Variants in IRF3 observed in about 807,000 individuals in gnomAD.
IRF3 encodes interferon regulatory factor 3.
A neutral mutation model predicts 43.2 loss-of-function variants in IRF3; 29 were observed. That is an observed-to-expected ratio of 0.67 (90% CI 0.50 to 0.91). The LOEUF (loss-of-function observed/expected upper bound fraction) is 0.91. Among genes scored for constraint, IRF3 ranks in the 40% least tolerant of loss-of-function variants. IRF3 has a pLI of 0.00. For missense variants in IRF3, 505 were observed against 559.1 expected, an observed-to-expected ratio of 0.90 and a Z score of 0.98; for synonymous variants, 228 against 233.9, an observed-to-expected ratio of 0.97 and a Z score of 0.23.
At chr19:49,660,989 T>TC in intron 6 of IRF3, 161 bp from the exon 7 acceptor site, 1 of 700,628 alleles carries the variant, frequency 1.4e-6, no homozygotes, top group South Asian at 2.0e-5. Context: ...CTTCCCTCCC[T>TC]CCCTCCCTCC....
At chr19:49,664,377 A>G (rs2122700625) in intron 2 of IRF3, 1 of 1,210,190 alleles carries the variant, frequency 8.3e-7, no homozygotes, top group Non-Finnish European at 1.1e-6. Flanking sequence ...TATCTATCCT[A>G]CAACCAAGAG....
At position 49,664,844 on chromosome 19, in the gene IRF3, G is replaced by T. The variant is rs367768465; in HGVS notation, c.-6C>A. On this transcript the variant is annotated splice_region_variant and 5_prime_UTR_variant, in exon 2 of 8. Transcript: ENST00000377139. ...CGTGGCTTTGGGGTTCCCATGGTCC[G>T]GCCTGCGCGTATAGGGCATTTCCTG... The T allele has an allele frequency of 3.7e-6, 6 of 1,610,060 alleles. No homozygotes were observed.
At chr19:49,661,738 C>G (rs1468151773) in intron 6 of IRF3, 1 of 585,786 alleles carries the variant, frequency 1.7e-6, no homozygotes, top group Non-Finnish European at 2.9e-6. Flanking sequence ...TGCCACCACG[C>G]CCGACTATTT....
In IRF3 at chr19:49,662,122, C is replaced by G. The variant is rs142339594; in HGVS notation, c.808G>C (p.Gly270Arg). 5.6e-6 allele frequency: 9 copies of G among 1,613,852 alleles called. No homozygotes were observed. In the East Asian group the frequency reaches 1.1e-4, roughly 20 times the overall value. The change falls in exon 6 of 8, where the codon GGG becomes CGG. Residue 270 changes from glycine to arginine, a missense_variant. Transcript: ENST00000377139. ...CCGGCCCGCCAGAGAGCCAGTCCCC[C>G]ACCCAGGCAGCTCAGCACATGCCTC... ...YVRHVLSCLG[G>R]GLALWRAGQW...
At chr19:49,661,335 C>T (rs1383701050) in intron 6 of IRF3, 1 of 161,150 alleles carries the variant, frequency 6.2e-6, no homozygotes, top group Non-Finnish European at 1.4e-5. Flanking sequence ...CACAGCGAAA[C>T]CCTAAGGGAT....
At position 49,663,176 on chromosome 19, in the gene IRF3, G is replaced by GCA. The variant is rs768560740; in HGVS notation, c.408+10_408+11dup. On this transcript the variant is annotated intron_variant, in intron 4 of 7. Transcript: ENST00000377139. The stretch of plus-strand genomic sequence containing the variant: ...GGAGACTGAGGGGCATGAAAGTTGG[G>GCA]CACATTCTCACCTGGGTATCAGAAG... 2.4e-5 allele frequency: 38 copies of GCA among 1,611,156 alleles called. No homozygotes were observed. The highest frequency in any genetic ancestry group is 3.1e-5 in the Non-Finnish European group (37 of 1,177,474).
At chr19:49,664,913 G>A (rs941967972) in intron 1 of IRF3, 67 bp from the exon 2 acceptor site, 37 of 1,502,922 alleles carry the variant, frequency 2.5e-5, no homozygotes, top group Non-Finnish European at 3.2e-5. Flanking sequence ...TGGAGTTTCC[G>A]CACCCAGACC....
At chr19:49,660,984 C>T in intron 6 of IRF3, 156 bp from the exon 7 acceptor site, 4 of 710,080 alleles carry the variant, frequency 5.6e-6, no homozygotes, top group South Asian at 4.0e-5. Flanking sequence ...CCCTCCTTCC[C>T]TCCCTCCCTC....
At position 49,659,615 on chromosome 19, in the gene IRF3, G is replaced by A. The variant is rs758135685; in HGVS notation, c.*33C>T. ...TATTGGTTGAGGTGGTGGGGAACAGGGGGGTTGGAGGCACACCATGAGGAG... is the reference window on the plus strand; with the variant it reads ...TATTGGTTGAGGTGGTGGGGAACAGAGGGGTTGGAGGCACACCATGAGGAG... On this transcript the variant is annotated 3_prime_UTR_variant, in exon 8 of 8. Transcript: ENST00000377139. 4 of 1,592,136 alleles carry A rather than the reference G, an allele frequency of 2.5e-6. No individual in the cohort carries two copies. Among genetic ancestry groups the A allele is most frequent in the African/African-American group, 2.7e-5 (2 of 74,126 alleles).
rs769745626 is a variant in IRF3 at position 49,662,483 on chromosome 19, G to A, written c.543C>T (p.Pro181=). 1.9e-6 allele frequency: 3 copies of A among 1,586,496 alleles called. No individual in the cohort carries two copies. The Admixed American group carries it at 5.5e-5, about 29-fold the overall frequency. Residue 181 remains proline, a synonymous_variant, in exon 5 of 8, where the codon CCC becomes CCT. Coordinates refer to ENST00000377139, the MANE Select transcript of IRF3 (RefSeq NM_001571.6). The stretch of plus-strand genomic sequence containing the variant: ...TCTCAGAGGGCCCCAGGTTTGGGAA[G>A]GGAGTGGGATTGTCCAAGCTGGGGC... ...LRSPSLDNPT[P]FPNLGPSENP...
intron 2 of IRF3, 39 bp downstream of exon 2, chr19:49,664,635 C>T: frequency 6.2e-7 from 1 of 1,610,234 alleles, no homozygotes; most frequent in South Asian, 1.1e-5. Flanking sequence ...GCCCAGCGCG[C>T]AGCTCCGGGT....
intron 2 of IRF3, chr19:49,664,423 C>T (rs1599876298): frequency 1.4e-6 from 2 of 1,470,210 alleles, no homozygotes; most frequent in East Asian, 2.8e-5. Flanking sequence ...CCCCAGGATG[C>T]ATTTCCTTTG....
At position 49,662,503 on chromosome 19, in the gene IRF3, T is replaced by C. The variant is rs186551702; in HGVS notation, c.523A>G (p.Ser175Gly). The C allele has an allele frequency of 1.4e-4, 226 of 1,566,622 alleles. 1 individual carries two copies. In the East Asian group the frequency reaches 3.5e-3, roughly 24 times the overall value. Residue 175 changes from serine to glycine, a missense_variant, in exon 5 of 8, where the codon AGC (serine) becomes GGC (glycine). Coordinates refer to ENST00000377139, the MANE Select transcript of IRF3 (RefSeq NM_001571.6). Reference protein sequence around the residue: ...EPCPQPLRSPSLDNPTPFPNL... With the variant: ...EPCPQPLRSPGLDNPTPFPNL... ...GGGAAGGGAGTGGGATTGTCCAAGC[T>C]GGGGCTCCGCAGGGGCTGAGGGCAG...
chr19:49,662,890 C>G (rs1235356062), intron 4 of IRF3, among the ~76,000 whole-genome samples: 4 of 152,222 alleles, frequency 2.6e-5, no homozygotes. Context: ...GGATGCTCCC[C>G]CAGCTTGGGC....
chr19:49,661,157 GC>G (rs2122601243), intron 6 of IRF3, among the ~76,000 whole-genome samples: 1 of 152,288 alleles, frequency 6.6e-6, no homozygotes, highest in Admixed American at 6.5e-5. Context: ...TTGTCCAATT[GC>G]AGCCATTAGT....
In IRF3 at chr19:49,665,811, G is replaced by T. The variant is rs2081706657; in HGVS notation, c.-189C>A. 1 of 1,579,860 alleles carries T rather than the reference G, an allele frequency of 6.3e-7. No individual in the cohort carries two copies. The highest frequency in any genetic ancestry group is 1.4e-5 in the African/African-American group (1 of 73,976). On this transcript the variant is annotated 5_prime_UTR_variant, in exon 1 of 8. It adds an upstream start codon to the 5' untranslated region. Transcript: ENST00000377139. ...CAACTTTATCATTCTTTGGGTAACAGACCCAAAAGCCGATGGGACGGCCCG... is the reference window on the plus strand; with the variant it reads ...CAACTTTATCATTCTTTGGGTAACATACCCAAAAGCCGATGGGACGGCCCG...
Position 49,664,859 on chromosome 19 carries a change from G to C in IRF3, c.-8-13C>G, listed in dbSNP as rs762575468. The C allele has an allele frequency of 2.5e-6, 4 of 1,599,724 alleles. No homozygotes were observed. The highest frequency in any genetic ancestry group is 1.7e-6 in the Non-Finnish European group (2 of 1,171,646). ...CCCATGGTCCGGCCTGCGCGTATAG[G>C]GCATTTCCTGGGCGCGACCGGCCTC... is the stretch of plus-strand genomic sequence containing the variant. On this transcript the variant is annotated splice_polypyrimidine_tract_variant and intron_variant, in intron 1 of 7. Transcript: ENST00000377139.
At position 49,659,641 on chromosome 19, in the gene IRF3, C is replaced by T. The variant is rs199920869; in HGVS notation, c.*7G>A. On this transcript the variant is annotated 3_prime_UTR_variant, in exon 8 of 8. Transcript: ENST00000377139. ...GGGGTTGGAGGCACACCATGAGGAGCGAGGGCTCAGCTCTCCCCAGGGCCC... is the reference window on the plus strand; with the variant it reads ...GGGGTTGGAGGCACACCATGAGGAGTGAGGGCTCAGCTCTCCCCAGGGCCC... The T allele has an allele frequency of 3.0e-4, 486 of 1,609,646 alleles. 1 individual carries two copies. Among genetic ancestry groups the T allele is most frequent in the Middle Eastern group, 1.8e-3 (11 of 6,072 alleles).
chr19:49,664,937 C>T, intron 1 of IRF3, 91 bp from the exon 2 acceptor site: 1 of 1,347,580 alleles, frequency 7.4e-7, no homozygotes, highest in South Asian at 1.4e-5. Flanking sequence ...TTCTCACGGG[C>T]CACGGCACAG....
Sources: gnomAD v4.1 joint callset for allele counts (sites outside exome capture counted in the v4.1 genomes callset) on GRCh38, gnomAD v4.1.1 for gene constraint, MANE v1.5 for transcripts, NCBI Gene and HGNC (gene_info 2026-07-23, HGNC 2026-07-21) for gene names.